The following PCDHGA4 variants were observed in gnomAD, a reference collection of about 807,000 sequenced individuals.
PCDHGA4 encodes the protein protocadherin gamma-A4.
A neutral mutation model predicts 54.6 loss-of-function variants in PCDHGA4; 38 were observed. The observed-to-expected ratio is 0.70, with a 90% CI of 0.54 to 0.91. The LOEUF (loss-of-function observed/expected upper bound fraction) is 0.91, where lower values mean the gene tolerates loss of function less well. Ranked by LOEUF, PCDHGA4 falls within the 40% of genes least tolerant of loss-of-function variation. The probability of loss-of-function intolerance (pLI) is 0.00; values close to 1 mark genes in which losing one functional copy is unlikely to be tolerated. For synonymous variants in PCDHGA4, 511 were observed against 512.9 expected (o/e 1.00, Z 0.05); for missense variants, 1,298 against 1,220.9 (o/e 1.06, Z -0.94).
chr5:141,355,853 G>T lies in PCDHGA4; in HGVS notation c.746G>T (p.Gly249Val). ...CTCGTTCTCACGGCCTTCGATGGAG[G>T]TGACCCGGTTCGCTCTGGCACTGCC... ...HHLVLTAFDG[G>V]DPVRSGTARI... The change falls in exon 1 of 4, where the codon GGT becomes GTT. Residue 249 changes from glycine (G) to valine (V), a missense_variant. Coordinates refer to ENST00000571252, the MANE Select transcript of PCDHGA4 (RefSeq NM_018917.4). The T allele has an allele frequency of 6.2e-7, 1 of 1,612,554 alleles. No homozygotes were observed. Among genetic ancestry groups the T allele is most frequent in the Non-Finnish European group, 8.5e-7 (1 of 1,179,168 alleles).
intron 1 of PCDHGA4, chr5:141,414,141 A>T (rs1162904324): frequency 1.3e-6 from 2 of 1,597,216 alleles, no homozygotes; most frequent in East Asian, 2.3e-5. Context: ...ATGAAATAGA[A>T]ATACAAGCAG....
chr5:141,408,769 C>A (rs754783489), intron 1 of PCDHGA4: 3 of 1,611,166 alleles, frequency 1.9e-6, no homozygotes, highest in South Asian at 1.1e-5. Flanking sequence ...CCGATGGTGG[C>A]AAATACCCAG....
intron 2 of PCDHGA4, among the ~76,000 whole-genome samples, chr5:141,500,176 A>G (rs922155744): frequency 1.4e-5 from 2 of 145,916 alleles, no homozygotes; most frequent in Admixed American, 1.4e-4. Flanking sequence ...CATGAGCTTC[A>G]TTTTTATTTT....
In PCDHGA4 at chr5:141,383,047, A is replaced by T. The variant is rs373552606; in HGVS notation, c.2514+25426A>T. ...AGGGTCCTTTGTGGGAGACATCGCCAAGGACCTGGGGCTGGAGCCCCGGGA... is the reference window on the plus strand; with the variant it reads ...AGGGTCCTTTGTGGGAGACATCGCCTAGGACCTGGGGCTGGAGCCCCGGGA... On this transcript the variant is annotated intron_variant, in intron 1 of 3. Coordinates refer to ENST00000571252, the MANE Select transcript of PCDHGA4 (RefSeq NM_018917.4). The T allele has an allele frequency of 1.6e-5, 26 of 1,613,752 alleles. No individual in the cohort carries two copies. The African/African-American group carries it at 2.9e-4, about 18-fold the overall frequency.
intron 1 of PCDHGA4, chr5:141,413,959 G>A: frequency 1.9e-6 from 3 of 1,613,372 alleles, no homozygotes; most frequent in Middle Eastern, 3.3e-4. Context: ...TTTGCCTGTG[G>A]GCACTCAGCT....
At chr5:141,371,062 G>GGGTAA (rs757228720) in intron 1 of PCDHGA4, 2 of 1,613,974 alleles carry the variant, frequency 1.2e-6, no homozygotes, top group South Asian at 2.2e-5. Flanking sequence ...CCCTCCAGAA[G>GGGTAA]CTGTACCACC....
In PCDHGA4 at chr5:141,356,625, T is replaced by C. The variant is rs763961659; in HGVS notation, c.1518T>C (p.Thr506=). 15 of 1,614,096 alleles carry C rather than the reference T, an allele frequency of 9.3e-6. No homozygotes were observed. The Middle Eastern group carries it at 4.9e-4, about 53-fold the overall frequency. ...NPRGASILSM[T]AQDPDSGDNA... ...GAGGAGCCTCCATCTTATCTATGAC[T>C]GCTCAAGACCCTGACAGTGGTGACA... Residue 506 remains threonine (T), a synonymous_variant, in exon 1 of 4, where the codon ACT becomes ACC. Transcript: ENST00000571252.
At chr5:141,422,110 T>A in intron 1 of PCDHGA4, 1 of 1,606,626 alleles carries the variant, frequency 6.2e-7, no homozygotes, top group South Asian at 1.1e-5. Flanking sequence ...AATATTCCAA[T>A]TGGATTCACA....
chr5:141,478,271 A>G, intron 1 of PCDHGA4: 1 of 1,614,170 alleles, frequency 6.2e-7, no homozygotes, highest in Non-Finnish European at 8.5e-7. Flanking sequence ...CAAAGTTTAC[A>G]AGTGGAAGCA....
intron 1 of PCDHGA4, chr5:141,372,081 C>T: frequency 1.2e-6 from 2 of 1,613,734 alleles, no homozygotes; most frequent in Non-Finnish European, 8.5e-7. Flanking sequence ...ACCGCTGGTG[C>T]TGTACCCAGC....
intron 1 of PCDHGA4, chr5:141,388,173 G>A (rs2091270272): frequency 1.3e-6 from 2 of 1,502,222 alleles, no homozygotes; most frequent in South Asian, 2.3e-5. Flanking sequence ...GGAGATATGC[G>A]GGAAGAAGCC....
intron 1 of PCDHGA4, among the ~76,000 whole-genome samples, chr5:141,475,035 G>T (rs983190948): frequency 2.0e-5 from 3 of 152,132 alleles, no homozygotes. Context: ...GTGACTAAAG[G>T]CTTTGTATTT....
At chr5:141,362,939 AG>A (rs1156531907) in intron 1 of PCDHGA4, among the ~76,000 whole-genome samples, 1 of 152,198 alleles carries the variant, frequency 6.6e-6, no homozygotes, top group Non-Finnish European at 1.5e-5. Flanking sequence ...TCTTCATTTT[AG>A]TAGGCTTTGG....
At chr5:141,502,400 C>T (rs964923206) in intron 2 of PCDHGA4, among the ~76,000 whole-genome samples, 2 of 151,748 alleles carry the variant, frequency 1.3e-5, no homozygotes, top group African/African-American at 4.8e-5. Flanking sequence ...AAAATGTCCC[C>T]GAACCTGGAT....
intron 1 of PCDHGA4, chr5:141,394,389 C>T (rs750588570): frequency 2.6e-5 from 42 of 1,614,118 alleles, no homozygotes; most frequent in Non-Finnish European, 3.5e-5. Flanking sequence ...TGAGCAGATC[C>T]GAGACCTGCA....
In PCDHGA4 at chr5:141,423,270, T is replaced by G. The variant is rs1304998648; in HGVS notation, c.2514+65649T>G. 3 of 1,613,686 alleles carry G rather than the reference T, an allele frequency of 1.9e-6. No homozygotes were observed. The African/African-American group carries it at 4.0e-5, about 22-fold the overall frequency. ...TGGCGGACCTCGGCAGCCTCGAGTC[T>G]CTGGCTAACTCTGAAACCTCAGACC... is the stretch of plus-strand genomic sequence containing the variant. On this transcript the variant is annotated intron_variant, in intron 1 of 3. Transcript: ENST00000571252.
Position 141,476,489 on chromosome 5 carries a change from A to G in PCDHGA4, c.2515-18318A>G. ...GGAGCTGTTCAGCGTGGAAGTGGTGATCCAGGACATCAACGACAACAATCC... is the reference window on the plus strand; with the variant it reads ...GGAGCTGTTCAGCGTGGAAGTGGTGGTCCAGGACATCAACGACAACAATCC... On this transcript the variant is annotated intron_variant, in intron 1 of 3. Coordinates refer to ENST00000571252, the MANE Select transcript of PCDHGA4 (RefSeq NM_018917.4). The surrounding 1 kb of genome is among the most constrained non-coding windows in gnomAD (Gnocchi z 7.6). The G allele has an allele frequency of 6.2e-7, 1 of 1,613,928 alleles. No individual in the cohort carries two copies. Among genetic ancestry groups the G allele is most frequent in the Non-Finnish European group, 8.5e-7 (1 of 1,179,976 alleles).
In PCDHGA4 at chr5:141,432,921, A is replaced by G; in HGVS notation, c.2515-61886A>G. On this transcript the variant is annotated intron_variant, in intron 1 of 3. Transcript: ENST00000571252. The surrounding 1 kb of genome is among the most constrained non-coding windows in gnomAD (Gnocchi z 6.0). ...GCGCTCAGGCTGCGGCGCTGGCACAAGTCACGCCTGCTGCAGGCTTCAGGA... is the reference window on the plus strand; with the variant it reads ...GCGCTCAGGCTGCGGCGCTGGCACAGGTCACGCCTGCTGCAGGCTTCAGGA... 6.2e-7 allele frequency: 1 copy of G among 1,614,114 alleles called. No individual in the cohort carries two copies. The highest frequency in any genetic ancestry group is 1.7e-4 in the Middle Eastern group (1 of 6,060).
intron 1 of PCDHGA4, chr5:141,398,744 G>A: frequency 1.9e-6 from 3 of 1,613,854 alleles, no homozygotes; most frequent in Non-Finnish European, 2.5e-6. Context: ...GAACAACAGA[G>A]TTACCATCGT....
Sources: gnomAD v4.1 joint callset for allele counts (sites outside exome capture counted in the v4.1 genomes callset) on GRCh38, gnomAD v4.1.1 for gene constraint, Gnocchi (gnomAD v3.1) non-coding constraint, MANE v1.5 for transcripts, NCBI Gene and HGNC (gene_info 2026-07-23, HGNC 2026-07-21) for gene names.